ADAMTSL1: variants seen among roughly 807,000 people sequenced by gnomAD.
ADAMTSL1 encodes the protein ADAMTS-like protein 1.
ADAMTSL1 carries 126 observed loss-of-function variants against 201.8 expected under a neutral mutation model. The ratio of observed to expected loss-of-function variants is 0.62; its 90% CI spans 0.54 to 0.72. ADAMTSL1 has a LOEUF of 0.72. Among genes scored for constraint, ADAMTSL1 ranks in the 30% least tolerant of loss-of-function variants. ADAMTSL1 has a pLI of 0.00. For synonymous variants in ADAMTSL1, 1,121 were observed against 903.4 expected (o/e 1.24, Z -4.32); for missense variants, 2,679 against 2,277.8 (o/e 1.18, Z -3.59).
chr9:18,378,609 C>T (rs1257754754), intron 2 of ADAMTSL1, among the ~76,000 whole-genome samples: 1 of 152,206 alleles, frequency 6.6e-6, no homozygotes, highest in Non-Finnish European at 1.5e-5. Context: ...ACCTCACCCT[C>T]TTCAGAACAA....
intron 1 of ADAMTSL1, among the ~76,000 whole-genome samples, chr9:18,042,576 C>T (rs906370754): frequency 1.8e-4 from 28 of 152,142 alleles, no homozygotes; most frequent in African/African-American, 6.8e-4. Context: ...TTCATTGCTA[C>T]TCTATTCTGC....
chr9:18,680,655 T>TTGGGGCATTCCTACTCC, intron 11 of ADAMTSL1, 139 bp downstream of exon 11: 1 of 855,704 alleles, frequency 1.2e-6, no homozygotes, highest in Non-Finnish European at 1.8e-6. Context: ...GCTCCTGGAG[T>TTGGGGCATTCCTACTCC]AGGAATGCCC....
chr9:18,492,933 A>T (rs1422613034), intron 1 of ADAMTSL1, among the ~76,000 whole-genome samples: 1 of 152,174 alleles, frequency 6.6e-6, no homozygotes, highest in Non-Finnish European at 1.5e-5. Flanking sequence ...TATCAATATT[A>T]TGTATGTACA....
intron 15 of ADAMTSL1, among the ~76,000 whole-genome samples, chr9:18,735,085 A>G (rs1168016123): frequency 1.3e-5 from 2 of 152,224 alleles, no homozygotes; most frequent in East Asian, 1.9e-4. Flanking sequence ...ATTTATCTAT[A>G]GCTTTCATGT....
At chr9:18,693,957 C>T (rs1024955428) in intron 13 of ADAMTSL1, among the ~76,000 whole-genome samples, 1 of 152,110 alleles carries the variant, frequency 6.6e-6, no homozygotes, top group East Asian at 1.9e-4. Context: ...TTCATTGACT[C>T]ACAGTTCCAC....
intron 7 of ADAMTSL1, among the ~76,000 whole-genome samples, chr9:18,641,872 G>A (rs1038130592): frequency 4.6e-5 from 7 of 151,878 alleles, no homozygotes; most frequent in East Asian, 3.9e-4. Context: ...AGCATTCAAA[G>A]TATAGTCTCT....
intron 2 of ADAMTSL1, among the ~76,000 whole-genome samples, chr9:18,207,939 C>T (rs1328877525): frequency 6.6e-6 from 1 of 152,052 alleles, no homozygotes. Context: ...GAAGCACTGT[C>T]TTGTATGTCA....
intron 2 of ADAMTSL1, among the ~76,000 whole-genome samples, chr9:18,207,659 TTG>T (rs1829709341): frequency 1.3e-5 from 2 of 152,322 alleles, no homozygotes; most frequent in South Asian, 4.1e-4. Flanking sequence ...TTAGGCGCCC[TTG>T]TAACATGCGG....
intron 23 of ADAMTSL1, among the ~76,000 whole-genome samples, chr9:18,855,831 G>A (rs1826806331): frequency 6.6e-6 from 1 of 152,178 alleles, no homozygotes; most frequent in Admixed American, 6.5e-5. Flanking sequence ...GGACCATTGT[G>A]TGTAATGTGT....
chr9:18,440,185 A>C (rs956200805), intron 2 of ADAMTSL1, among the ~76,000 whole-genome samples: 3 of 152,130 alleles, frequency 2.0e-5, no homozygotes, highest in Admixed American at 6.5e-5. Flanking sequence ...GAGTTCTGCT[A>C]TGGTACAATA....
chr9:18,649,772 G>A (rs559402200), intron 7 of ADAMTSL1, among the ~76,000 whole-genome samples: 5 of 151,978 alleles, frequency 3.3e-5, no homozygotes, highest in Admixed American at 6.6e-5. Context: ...GGAGTACCCC[G>A]CCGTGTGAGG....
At position 18,696,865 on chromosome 9, in the gene ADAMTSL1, A is replaced by ATAT. The variant is rs142242579; in HGVS notation, c.1575-9853_1575-9851dup. Among the ~76,000 whole-genome samples the ATAT allele has an allele frequency of 4.3e-3, 610 of 142,268 alleles. 3 individuals are homozygous for ATAT. The highest frequency in any genetic ancestry group is 0.011 in the African/African-American group (421 of 38,308). 93.3% of individuals were successfully genotyped at this position (142,268 alleles called of 152,430 possible). ...AATATAAAATAATCACATGTCAAAA[A>ATAT]TATTATTATTATTATTATTATTATT... On this transcript the variant is annotated intron_variant, in intron 13 of 28. Transcript: ENST00000380548.
chr9:18,766,508 G>A (rs954698491), intron 16 of ADAMTSL1, among the ~76,000 whole-genome samples: 3 of 152,144 alleles, frequency 2.0e-5, no homozygotes, highest in African/African-American at 7.2e-5. Flanking sequence ...TCTATATCCT[G>A]CTAGAAACGC....
chr9:18,373,260 T>C (rs1030597336), intron 2 of ADAMTSL1, among the ~76,000 whole-genome samples: 5 of 152,206 alleles, frequency 3.3e-5, no homozygotes, highest in Non-Finnish European at 7.4e-5. Context: ...TATTCTAGGC[T>C]GATCACAAGC....
intron 1 of ADAMTSL1, among the ~76,000 whole-genome samples, chr9:17,949,628 A>G (rs1394503689): frequency 6.6e-6 from 1 of 152,172 alleles, no homozygotes; most frequent in African/African-American, 2.4e-5. Context: ...GAACACAATG[A>G]CATGTTTCTG....
chr9:18,253,969 G>C (rs145521167), intron 2 of ADAMTSL1, among the ~76,000 whole-genome samples: 1 of 152,068 alleles, frequency 6.6e-6, no homozygotes, highest in Admixed American at 6.5e-5. Context: ...ACAAATTTAC[G>C]TGCCAATTCA....
intron 4 of ADAMTSL1, among the ~76,000 whole-genome samples, chr9:18,612,224 A>T (rs936757248): frequency 6.6e-6 from 1 of 152,232 alleles, no homozygotes; most frequent in African/African-American, 2.4e-5. Context: ...TGACAAGTGG[A>T]AATTAAACTC....
intron 2 of ADAMTSL1, among the ~76,000 whole-genome samples, chr9:18,389,296 A>G (rs1373486366): frequency 6.6e-6 from 1 of 152,132 alleles, no homozygotes; most frequent in Admixed American, 6.5e-5. Flanking sequence ...TTATTTCAAG[A>G]ACTACTTTCT....
chr9:18,862,921 G>T (rs1183072168), intron 23 of ADAMTSL1, among the ~76,000 whole-genome samples: 2 of 152,182 alleles, frequency 1.3e-5, no homozygotes, highest in African/African-American at 2.4e-5. Flanking sequence ...TATGCCAAGA[G>T]CCTACTGGCA....
Sources: allele counts gnomAD v4.1 joint callset (sites outside exome capture counted in the v4.1 genomes callset), GRCh38; gene constraint gnomAD v4.1.1; transcripts MANE v1.5; gene names NCBI Gene and HGNC (gene_info 2026-07-23, HGNC 2026-07-21).